Variants in SHANK2 observed in about 807,000 individuals in gnomAD.
SHANK2 encodes SH3 and multiple ankyrin repeat domains 2, also known as SH3 and multiple ankyrin repeat domains protein 2.
Under a neutral mutation model 133.7 loss-of-function variants are expected in SHANK2, and 43 were observed. The ratio of observed to expected loss-of-function variants is 0.32; its 90% CI spans 0.25 to 0.41. SHANK2 has a LOEUF of 0.41. Among genes scored for constraint, SHANK2 ranks in the 10% least tolerant of loss-of-function variants. SHANK2 has a pLI of 1.00. For synonymous variants in SHANK2, 1,017 were observed against 952.8 expected (o/e 1.07, Z -1.24); for missense variants, 1,994 against 2,235.8 (o/e 0.89, Z 2.18).
At chr11:70,859,534 G>A (rs1312201139) in intron 11 of SHANK2, among the ~76,000 whole-genome samples, 8 of 152,120 alleles carry the variant, frequency 5.3e-5, no homozygotes, top group Non-Finnish European at 4.4e-5. Flanking sequence ...GTGGATGGAT[G>A]AATGGGTGAT....
intron 14 of SHANK2, among the ~76,000 whole-genome samples, chr11:70,713,437 C>T (rs1945838522): frequency 6.6e-6 from 1 of 152,254 alleles, no homozygotes; most frequent in Admixed American, 6.5e-5. Flanking sequence ...TCCGCTTTCA[C>T]AGAACCCCCG....
At chr11:70,610,618 G>A (rs1037257613) in intron 17 of SHANK2, among the ~76,000 whole-genome samples, 1 of 152,212 alleles carries the variant, frequency 6.6e-6, no homozygotes, top group Admixed American at 6.5e-5. Flanking sequence ...TCGACTCTCC[G>A]TTTTATATTA....
At chr11:70,587,179 G>A (rs782208403) in intron 17 of SHANK2, among the ~76,000 whole-genome samples, 13 of 152,314 alleles carry the variant, frequency 8.5e-5, no homozygotes, top group Admixed American at 6.5e-4. Flanking sequence ...GTTCCACGGC[G>A]AGCTGGGCCG....
At chr11:70,549,100 C>T (rs1305061505) in intron 17 of SHANK2, among the ~76,000 whole-genome samples, 1 of 152,194 alleles carries the variant, frequency 6.6e-6, no homozygotes, top group Non-Finnish European at 1.5e-5. Flanking sequence ...GACGCTGTGA[C>T]AGCAGCCCCA....
At chr11:70,840,837 C>T (rs537659658) in intron 11 of SHANK2, among the ~76,000 whole-genome samples, 14 of 152,240 alleles carry the variant, frequency 9.2e-5, no homozygotes, top group South Asian at 2.1e-4. Context: ...ATCCCAGCAC[C>T]GGGCACTTCT....
chr11:71,073,038 C>T (rs1951162472), intron 9 of SHANK2, among the ~76,000 whole-genome samples: 1 of 151,616 alleles, frequency 6.6e-6, no homozygotes, highest in Non-Finnish European at 1.5e-5. Flanking sequence ...GTTAAAATGG[C>T]CTAAATTTTG....
chr11:71,145,285 G>T (rs190508669), intron 3 of SHANK2, among the ~76,000 whole-genome samples: 125 of 152,236 alleles, frequency 8.2e-4, no homozygotes, highest in Non-Finnish European at 1.6e-3. Context: ...TAACACTAAA[G>T]AGAGATAATG....
intron 17 of SHANK2, among the ~76,000 whole-genome samples, chr11:70,568,569 C>A (rs535256084): frequency 1.3e-5 from 2 of 150,420 alleles, no homozygotes; most frequent in African/African-American, 4.9e-5. Flanking sequence ...TTCCCCAAAG[C>A]CAATTCGAGT....
chr11:70,545,861 C>T (rs1160814097), intron 17 of SHANK2, among the ~76,000 whole-genome samples: 7 of 152,196 alleles, frequency 4.6e-5, no homozygotes, highest in Non-Finnish European at 8.8e-5. Context: ...TGGCTGACTA[C>T]GAGTCAGAGC....
intron 17 of SHANK2, among the ~76,000 whole-genome samples, chr11:70,544,486 G>A (rs782438129): frequency 2.2e-4 from 33 of 152,178 alleles, no homozygotes; most frequent in Non-Finnish European, 4.0e-4. Flanking sequence ...AGTGACTGAC[G>A]GATCTCACTG....
chr11:71,119,939 A>G (rs1179339906), intron 3 of SHANK2, among the ~76,000 whole-genome samples: 4 of 152,148 alleles, frequency 2.6e-5, no homozygotes, highest in Non-Finnish European at 5.9e-5. Flanking sequence ...CACTGACGAG[A>G]AAGTTTTCAT....
At chr11:71,165,554 C>T (rs782776027) in intron 2 of SHANK2, among the ~76,000 whole-genome samples, 1 of 152,120 alleles carries the variant, frequency 6.6e-6, no homozygotes, top group Admixed American at 6.5e-5. Flanking sequence ...GAACACCAAG[C>T]GGGAAGGCTG....
intron 2 of SHANK2, among the ~76,000 whole-genome samples, chr11:71,157,485 C>T (rs190719014): frequency 5.8e-4 from 88 of 152,172 alleles, no homozygotes; most frequent in African/African-American, 2.1e-3. Flanking sequence ...CTTGGTGGCA[C>T]CAGTAACCAC....
rs1565343315 is a variant in SHANK2 at position 70,823,843 on chromosome 11, A to AGAGCTCCTGGGGGACAGAGGTGGCACTGG, written c.1175-3162_1175-3161insCCAGTGCCACCTCTGTCCCCCAGGAGCTC. On this transcript the variant is annotated intron_variant, in intron 11 of 25. Transcript: ENST00000601538. ...TTCATGAGGGACAGAGGTGGCGTTG[A>AGAGCTCCTGGGGGACAGAGGTGGCACTGG]CAGAGCTCCTGGGGGACAGAGGTGG... Among the ~76,000 whole-genome samples, 214 of 147,282 alleles carry AGAGCTCCTGGGGGACAGAGGTGGCACTGG rather than the reference A, an allele frequency of 1.5e-3. 1 individual carries two copies. Among genetic ancestry groups the AGAGCTCCTGGGGGACAGAGGTGGCACTGG allele is most frequent in the African/African-American group, 5.2e-3 (209 of 39,860 alleles).
In SHANK2 at chr11:70,475,676, G is replaced by A. The variant is rs78479272; in HGVS notation, c.4980-2237C>T. On this transcript the variant is annotated intron_variant, in intron 25 of 25. Transcript: ENST00000601538. ...AGGCTTCAATCCTACTGTGAGAAGT[G>A]TTTGCAGGGGCTGGTGGGTGCACTG... Among the ~76,000 whole-genome samples, 482 of 152,300 alleles carry A rather than the reference G, an allele frequency of 3.2e-3. 3 individuals carry two copies. The highest frequency in any genetic ancestry group is 5.9e-3 in the Admixed American group (91 of 15,304).
chr11:70,798,625 G>A, intron 13 of SHANK2, 69 bp from the exon 14 acceptor site: 1 of 706,890 alleles, frequency 1.4e-6, no homozygotes, highest in South Asian at 1.5e-5. Context: ...AACAAGACGA[G>A]TGGGGCTGGG....
chr11:70,916,617 C>G (rs752555820), intron 10 of SHANK2, among the ~76,000 whole-genome samples: 35 of 152,146 alleles, frequency 2.3e-4, no homozygotes, highest in Non-Finnish European at 3.8e-4. Context: ...GGATGATGAC[C>G]TAATTATCCA....
intron 17 of SHANK2, among the ~76,000 whole-genome samples, chr11:70,539,792 G>GTTAAA (rs1270402595): frequency 6.6e-6 from 1 of 152,168 alleles, no homozygotes; most frequent in Admixed American, 6.5e-5. Flanking sequence ...CGTAGCAGAG[G>GTTAAA]GCCTGGGTGC....
chr11:70,469,325 C>A lies in SHANK2; in HGVS notation c.*3544G>T, dbSNP rs782010785. 7 of 152,614 alleles carry A rather than the reference C, an allele frequency of 4.6e-5. No homozygotes were observed. The highest frequency in any genetic ancestry group is 8.8e-5 in the Non-Finnish European group (6 of 68,042). The allele number at this position is 152,614 out of a possible 1,614,324, so 9.5% of individuals were successfully genotyped here. A position where few individuals can be genotyped will look rare whatever the true frequency, so the allele number is the denominator to read the frequency against. ...ATTTTTCTGGTCAGTTTTAGAGAGG[C>A]AGAGCTGGCCACAATGCCTGAGATA... On this transcript the variant is annotated 3_prime_UTR_variant, in exon 26 of 26. Transcript: ENST00000601538.
Sources: allele counts gnomAD v4.1 joint callset (sites outside exome capture counted in the v4.1 genomes callset), GRCh38; gene constraint gnomAD v4.1.1; transcripts MANE v1.5; gene names NCBI Gene and HGNC (gene_info 2026-07-23, HGNC 2026-07-21).